The following L3MBTL4 variants were observed in gnomAD, a reference collection of about 807,000 sequenced individuals.
L3MBTL4 encodes L3MBTL histone methyl-lysine binding protein 4.
A neutral mutation model predicts 84.5 loss-of-function variants in L3MBTL4; 70 were observed. That is an observed-to-expected ratio of 0.83 (90% CI 0.68 to 1.01). The LOEUF is 1.01. Among genes scored for constraint, L3MBTL4 ranks in the 50% least tolerant of loss-of-function variants. The pLI is 0.00. For missense variants in L3MBTL4, 715 were observed against 754.8 expected (o/e 0.95, Z 0.62); for synonymous variants, 274 against 259.8 (o/e 1.05, Z -0.52).
intron 16 of L3MBTL4, among the ~76,000 whole-genome samples, chr18:6,017,389 T>C (rs2055042643): frequency 6.6e-6 from 1 of 152,216 alleles, no homozygotes; most frequent in Non-Finnish European, 1.5e-5. Context: ...ACACTGACGC[T>C]GAGTCACAGA....
chr18:6,072,879 AAAATATATATATATATATATATAT>A (rs1207125999), intron 16 of L3MBTL4, among the ~76,000 whole-genome samples: 1 of 41,598 alleles, frequency 2.4e-5, no homozygotes, highest in Non-Finnish European at 4.5e-5. Context: ...AAAAAAAAAA[AAAATATATATATATATATATATAT>A]ATATATATAT....
intron 17 of L3MBTL4, among the ~76,000 whole-genome samples, chr18:5,960,463 T>C (rs1201211061): frequency 6.6e-6 from 1 of 152,184 alleles, no homozygotes; most frequent in South Asian, 2.1e-4. Flanking sequence ...GACTCCCCCA[T>C]GGGGTCAGTG....
chr18:5,970,222 C>T (rs1178181015), intron 16 of L3MBTL4, among the ~76,000 whole-genome samples: 3 of 152,220 alleles, frequency 2.0e-5, no homozygotes, highest in Non-Finnish European at 4.4e-5. Context: ...CATGACCTCC[C>T]TAACACAGGC....
intron 17 of L3MBTL4, among the ~76,000 whole-genome samples, chr18:5,962,185 G>T (rs138483217): frequency 6.6e-6 from 1 of 152,146 alleles, no homozygotes; most frequent in Non-Finnish European, 1.5e-5. Context: ...CTTGAGAGAG[G>T]TAGGAAGGCT....
chr18:6,097,933 A>G (rs1224758440), intron 14 of L3MBTL4, among the ~76,000 whole-genome samples: 1 of 152,106 alleles, frequency 6.6e-6, no homozygotes, highest in Non-Finnish European at 1.5e-5. Flanking sequence ...CCAGTCTTCT[A>G]TGTGCTTCTC....
At chr18:6,396,480 T>G (rs1229297536) in intron 1 of L3MBTL4, 1 of 152,260 alleles carries the variant, frequency 6.6e-6, no homozygotes, top group Non-Finnish European at 1.5e-5. Context: ...CCACCCAGAA[T>G]AGTCCAAATT....
chr18:6,383,686 G>A (rs2054694808), intron 1 of L3MBTL4, among the ~76,000 whole-genome samples: 1 of 152,168 alleles, frequency 6.6e-6, no homozygotes, highest in Non-Finnish European at 1.5e-5. Flanking sequence ...ACCTCAGTTG[G>A]AAATGCAGAA....
At chr18:6,275,185 C>T (rs546791885) in intron 4 of L3MBTL4, among the ~76,000 whole-genome samples, 1 of 151,608 alleles carries the variant, frequency 6.6e-6, no homozygotes, top group African/African-American at 2.4e-5. Flanking sequence ...GTTGGTAGGG[C>T]CAAGAGGAGG....
chr18:6,005,704 T>C (rs1385345177), intron 16 of L3MBTL4, among the ~76,000 whole-genome samples: 1 of 152,218 alleles, frequency 6.6e-6, no homozygotes, highest in Admixed American at 6.5e-5. Flanking sequence ...TTCCATGGTG[T>C]ATATGTACCA....
intron 3 of L3MBTL4, among the ~76,000 whole-genome samples, chr18:6,308,401 A>T (rs949847044): frequency 2.4e-4 from 36 of 152,350 alleles, no homozygotes; most frequent in African/African-American, 8.7e-4. Flanking sequence ...ATTTACGAGC[A>T]TATCCTTTGG....
At chr18:6,197,953 G>A (rs1338553762) in intron 12 of L3MBTL4, among the ~76,000 whole-genome samples, 2 of 152,166 alleles carry the variant, frequency 1.3e-5, no homozygotes, top group Non-Finnish European at 2.9e-5. Context: ...CTGGGGCTGG[G>A]GTGGCGCACC....
intron 12 of L3MBTL4, among the ~76,000 whole-genome samples, chr18:6,175,406 A>T (rs898066044): frequency 6.6e-6 from 1 of 152,244 alleles, no homozygotes; most frequent in African/African-American, 2.4e-5. Context: ...ATACGCACTT[A>T]TAGATTTATA....
chr18:6,036,181 A>G (rs1056821070), intron 16 of L3MBTL4, among the ~76,000 whole-genome samples: 1 of 152,166 alleles, frequency 6.6e-6, no homozygotes, highest in African/African-American at 2.4e-5. Context: ...TTTCTCTTAG[A>G]GTTCATTGAG....
At chr18:6,043,782 G>C (rs112884704) in intron 16 of L3MBTL4, among the ~76,000 whole-genome samples, 152 of 152,290 alleles carry the variant, frequency 1.0e-3, no homozygotes, top group African/African-American at 3.5e-3. Context: ...ATAAATGAAT[G>C]AATGAGCTCC....
At chr18:6,020,667 A>G (rs1354163146) in intron 16 of L3MBTL4, among the ~76,000 whole-genome samples, 1 of 152,218 alleles carries the variant, frequency 6.6e-6, no homozygotes, top group Non-Finnish European at 1.5e-5. Context: ...CTTTGGAGGC[A>G]AAATCAATAG....
intron 13 of L3MBTL4, among the ~76,000 whole-genome samples, chr18:6,167,887 T>G (rs964884600): frequency 6.6e-6 from 1 of 152,104 alleles, no homozygotes; most frequent in African/African-American, 2.4e-5. Flanking sequence ...GAAGTCAAAT[T>G]TCCTGTTTGC....
At chr18:6,378,457 A>T (rs1318876468) in intron 1 of L3MBTL4, among the ~76,000 whole-genome samples, 1 of 152,136 alleles carries the variant, frequency 6.6e-6, no homozygotes, top group Non-Finnish European at 1.5e-5. Flanking sequence ...CCCAGGTCTT[A>T]TGTTTAAGTT....
intron 1 of L3MBTL4, among the ~76,000 whole-genome samples, chr18:6,354,390 A>G (rs1407644943): frequency 4.6e-5 from 7 of 152,228 alleles, no homozygotes; most frequent in Non-Finnish European, 1.5e-5. Flanking sequence ...CTTGACTAAT[A>G]TCCCACAAGC....
rs777016115 is a variant in L3MBTL4, at chr18:6,244,630, T to C, written c.220-42A>G. On this transcript the variant is annotated intron_variant, in intron 5 of 18. Transcript: ENST00000317931. Reference sequence around the variant, plus strand: ...CATAACATTAGCCACTGAGATTTCATCACAGTTTTATATTAAGATATTTGG... The same window carrying C: ...CATAACATTAGCCACTGAGATTTCACCACAGTTTTATATTAAGATATTTGG... The C allele has an allele frequency of 3.0e-6, 4 of 1,340,352 alleles. No individual in the cohort carries two copies. In the South Asian group the frequency reaches 3.5e-5, roughly 12 times the overall value. The allele number at this position is 1,340,352 out of a possible 1,614,324, so 83.0% of individuals were successfully genotyped here.
Sources: gnomAD v4.1 joint callset for allele counts (sites outside exome capture counted in the v4.1 genomes callset) on GRCh38, gnomAD v4.1.1 for gene constraint, MANE v1.5 for transcripts, NCBI Gene and HGNC (gene_info 2026-07-23, HGNC 2026-07-21) for gene names.